The following PKD1L3 variants were observed in gnomAD, a reference collection of about 807,000 sequenced individuals.
The protein encoded by PKD1L3 is polycystin-1-like protein 3.
A neutral mutation model predicts 184.1 loss-of-function variants in PKD1L3; 239 were observed. The observed-to-expected ratio is 1.30, with a 90% CI of 1.17 to 1.45. The LOEUF (loss-of-function observed/expected upper bound fraction) is 1.45. Ranked by LOEUF, PKD1L3 falls within the 40% of genes most tolerant of loss-of-function variation. The pLI, the probability that PKD1L3 is intolerant of heterozygous loss-of-function variation, is 0.00. For synonymous variants in PKD1L3, 996 were observed against 778.8 expected (o/e 1.28, Z -4.64); for missense variants, 2,660 against 2,067.2 (o/e 1.29, Z -5.56).
At position 71,971,456 on chromosome 16, in the gene PKD1L3, A is replaced by G. The variant is rs1210700379; in HGVS notation, c.1954-1351T>C. On this transcript the variant is annotated intron_variant, in intron 12 of 29. Coordinates refer to ENST00000620267, the MANE Select transcript of PKD1L3 (RefSeq NM_181536.2). ...GCACAGAATTAAGTCCTGGAGGCCCAATCTAGTCTGCCTTTGGAAGAACTC... is the reference window on the plus strand; with the variant it reads ...GCACAGAATTAAGTCCTGGAGGCCCGATCTAGTCTGCCTTTGGAAGAACTC... 4.6e-5 allele frequency among the ~76,000 whole-genome samples: 7 copies of G among 152,142 alleles called. No homozygotes were observed. In the East Asian group the frequency reaches 1.3e-3, roughly 29 times the overall value.
chr16:71,979,712 A>G, intron 9 of PKD1L3, 74 bp downstream of exon 9: 1 of 1,436,540 alleles, frequency 7.0e-7, no homozygotes, highest in Non-Finnish European at 9.2e-7. Context: ...TTCATGATAC[A>G]TTACTTTCAC....
Position 71,952,978 on chromosome 16 carries a change from C to G in PKD1L3, c.2925G>C (p.Glu975Asp), listed in dbSNP as rs1171416834. The G allele has an allele frequency of 3.2e-6, 5 of 1,549,638 alleles. No homozygotes were observed. The highest frequency in any genetic ancestry group is 4.4e-6 in the Non-Finnish European group (5 of 1,146,230). The change falls in exon 18 of 30, where the codon GAG becomes GAC. Residue 975 changes from glutamate to aspartate, a missense_variant. Transcript: ENST00000620267. ...GGATGGGAGGAAAGAGGGGCAGAGT[C>G]TCCTGTGGCTCAATCAACGGGAAGA... The part of the protein sequence containing the change: ...GRLFPLIEPQ[E>D]TLPLFPPIQA...
At chr16:71,990,769 A>G (rs552278126) in intron 3 of PKD1L3, among the ~76,000 whole-genome samples, 2 of 151,934 alleles carry the variant, frequency 1.3e-5, no homozygotes, top group South Asian at 4.2e-4. Flanking sequence ...GTAAGGAAGG[A>G]AAAGACAAAA....
At chr16:71,949,607 C>T (rs956473884) in intron 21 of PKD1L3, among the ~76,000 whole-genome samples, 176 bp downstream of exon 21, 3 of 152,250 alleles carry the variant, frequency 2.0e-5, no homozygotes, top group Middle Eastern at 3.4e-3. Flanking sequence ...CCTGCCTTGG[C>T]CTCCCAAATT....
rs2039652855 is a variant in PKD1L3 at position 71,970,046 on chromosome 16, AAAG to A, written c.2010_2012del (p.Phe671del). 6.4e-7 allele frequency: 1 copy of A among 1,551,562 alleles called. No homozygotes were observed. The highest frequency in any genetic ancestry group is 8.7e-7 in the Non-Finnish European group (1 of 1,146,996). On this transcript the variant is annotated inframe_deletion, in exon 13 of 30. Coordinates refer to ENST00000620267, the MANE Select transcript of PKD1L3 (RefSeq NM_181536.2). ...TGGGCACGACAAAGAAGTCGCTGGCAAAGAAGGTCAGGTGGTTACAGAGACACT... is the reference window on the plus strand; with the variant it reads ...TGGGCACGACAAAGAAGTCGCTGGCAAAGGTCAGGTGGTTACAGAGACACT...
chr16:71,986,213 A>T lies in PKD1L3; in HGVS notation c.834+8T>A, dbSNP rs1451912336. ...AAGCTACCTGTGACTTGAATTTCCC[A>T]TGTTTACCTGACCAGATGCCTTCTG... On this transcript the variant is annotated splice_region_variant and intron_variant, in intron 5 of 29. Coordinates refer to ENST00000620267, the MANE Select transcript of PKD1L3 (RefSeq NM_181536.2). The T allele has an allele frequency of 6.4e-7, 1 of 1,551,700 alleles. No homozygotes were observed. The highest frequency in any genetic ancestry group is 8.7e-7 in the Non-Finnish European group (1 of 1,146,566).
At chr16:71,988,751 T>C (rs1476734396) in intron 4 of PKD1L3, among the ~76,000 whole-genome samples, 1 of 152,104 alleles carries the variant, frequency 6.6e-6, no homozygotes, top group Non-Finnish European at 1.5e-5. Flanking sequence ...ATTTATTGAG[T>C]CCAAGTTTTA....
chr16:71,943,531 C>G (rs1244941169), intron 23 of PKD1L3, among the ~76,000 whole-genome samples: 1 of 107,768 alleles, frequency 9.3e-6, no homozygotes, highest in African/African-American at 3.5e-5. Flanking sequence ...AAGTGAGACT[C>G]CGTCTCAAAA....
At chr16:71,940,505 T>A (rs981733399) in intron 24 of PKD1L3, among the ~76,000 whole-genome samples, 1 of 152,096 alleles carries the variant, frequency 6.6e-6, no homozygotes, top group Non-Finnish European at 1.5e-5. Flanking sequence ...TTTTATTTTT[T>A]TTTTATTTTT....
chr16:71,934,489 G>A (rs2038106392), intron 26 of PKD1L3, among the ~76,000 whole-genome samples: 1 of 152,194 alleles, frequency 6.6e-6, no homozygotes, highest in Admixed American at 6.5e-5. Context: ...AGCCCAGAGA[G>A]AGGAGCCATG....
chr16:71,999,730 C>A lies in PKD1L3; in HGVS notation c.249G>T (p.Gly83=), dbSNP rs1301936180. ...YLEEGKKWWI[G]QNVMPLKKHQ... Reference sequence around the variant, plus strand: ...GCTTTTTCAATGGCATTACATTTTGCCCAATCCACCACTTCTTTCCTTCTT... The same window carrying A: ...GCTTTTTCAATGGCATTACATTTTGACCAATCCACCACTTCTTTCCTTCTT... The change falls in exon 1 of 30, where the codon GGG becomes GGT. Residue 83 remains glycine (G), a synonymous_variant. Transcript: ENST00000620267. The A allele has an allele frequency of 6.4e-7, 1 of 1,551,010 alleles. No individual in the cohort carries two copies. Among genetic ancestry groups the A allele is most frequent in the South Asian group, 1.2e-5 (1 of 83,888 alleles).
chr16:71,960,038 C>G (rs936506378), intron 16 of PKD1L3, among the ~76,000 whole-genome samples: 1 of 152,010 alleles, frequency 6.6e-6, no homozygotes. Context: ...GGAGGATCAC[C>G]TGAGGCTGGC....
At chr16:71,935,285 G>A in intron 26 of PKD1L3, 73 bp downstream of exon 26, 2 of 1,424,198 alleles carry the variant, frequency 1.4e-6, no homozygotes, top group South Asian at 1.4e-5. Flanking sequence ...GGAGTTTGAA[G>A]AATACTTGTG....
chr16:71,955,149 C>G (rs1001008795), intron 16 of PKD1L3, among the ~76,000 whole-genome samples: 1 of 152,058 alleles, frequency 6.6e-6, no homozygotes, highest in African/African-American at 2.4e-5. Flanking sequence ...AATAGGAGCT[C>G]CAAGGTCCCA....
chr16:71,972,421 C>T (rs1179094171), intron 12 of PKD1L3, among the ~76,000 whole-genome samples: 2 of 151,578 alleles, frequency 1.3e-5, no homozygotes, highest in African/African-American at 4.9e-5. Flanking sequence ...TCATCATCCT[C>T]CTCCTCCTCC....
At chr16:71,986,993 C>T (rs889223984) in intron 4 of PKD1L3, among the ~76,000 whole-genome samples, 9 of 133,410 alleles carry the variant, frequency 6.7e-5, no homozygotes, top group South Asian at 4.8e-4. Context: ...GGCACGATCT[C>T]GGCTCACTGC....
At chr16:71,996,504 C>T (rs9925559) in intron 2 of PKD1L3, among the ~76,000 whole-genome samples, 7 of 152,126 alleles carry the variant, frequency 4.6e-5, no homozygotes, top group African/African-American at 1.7e-4. Context: ...TCGTGATCCA[C>T]CCGCCTTGGC....
chr16:71,941,173 C>T (rs1002542205), intron 24 of PKD1L3, among the ~76,000 whole-genome samples: 2 of 151,984 alleles, frequency 1.3e-5, no homozygotes, highest in Admixed American at 6.6e-5. Context: ...GCACTTGAAC[C>T]TCTAATGCTG....
intron 2 of PKD1L3, among the ~76,000 whole-genome samples, chr16:71,997,132 T>C (rs1057023853): frequency 1.2e-4 from 18 of 152,114 alleles, no homozygotes; most frequent in Non-Finnish European, 2.1e-4. Context: ...GGTTTAATCA[T>C]TCACCTGTTG....
Sources: allele counts gnomAD v4.1 joint callset (sites outside exome capture counted in the v4.1 genomes callset), GRCh38; gene constraint gnomAD v4.1.1; transcripts MANE v1.5; gene names NCBI Gene and HGNC (gene_info 2026-07-23, HGNC 2026-07-21).